ACVR1B: variants seen among roughly 807,000 people sequenced by gnomAD.
The protein encoded by ACVR1B is activin A receptor type 1B.
A neutral mutation model predicts 55.6 loss-of-function variants in ACVR1B; 15 were observed. The ratio of observed to expected loss-of-function variants is 0.27; its 90% CI spans 0.18 to 0.42. The LOEUF is 0.42. ACVR1B is among the 10% of genes least tolerant of loss of function. The pLI is 1.00. For synonymous variants in ACVR1B, 247 were observed against 254.6 expected, an observed-to-expected ratio of 0.97 and a Z score of 0.28; for missense variants, 359 against 670.1, an observed-to-expected ratio of 0.54 and a Z score of 5.13.
At chr12:51,956,736 A>G (rs1011415213) in intron 1 of ACVR1B, among the ~76,000 whole-genome samples, 1 of 151,568 alleles carries the variant, frequency 6.6e-6, no homozygotes, top group Non-Finnish European at 1.5e-5. Context: ...CAACCTGTCA[A>G]TACATAACCT....
At chr12:51,989,588 A>G (rs1445569788) in intron 7 of ACVR1B, among the ~76,000 whole-genome samples, 1 of 152,158 alleles carries the variant, frequency 6.6e-6, no homozygotes, top group East Asian at 1.9e-4. Flanking sequence ...CCTGGCCTAA[A>G]TTGGCTTTTT....
chr12:51,980,861 G>T, intron 3 of ACVR1B, 108 bp from the exon 4 acceptor site: 1 of 878,994 alleles, frequency 1.1e-6, no homozygotes, highest in Non-Finnish European at 1.7e-6. Flanking sequence ...GGACAGCGTA[G>T]GATGAAGACA....
intron 4 of ACVR1B, 90 bp downstream of exon 4, chr12:51,981,289 TC>T: frequency 8.8e-7 from 1 of 1,136,872 alleles, no homozygotes; most frequent in Non-Finnish European, 1.3e-6. Flanking sequence ...TTTGCCTTCA[TC>T]ATTGTAACCC....
At chr12:51,959,667 A>G (rs1408515920) in intron 1 of ACVR1B, among the ~76,000 whole-genome samples, 1 of 152,206 alleles carries the variant, frequency 6.6e-6, no homozygotes, top group African/African-American at 2.4e-5. Flanking sequence ...TAGGTAAAGC[A>G]AGAGAGGGGA....
chr12:51,992,120 G>C, intron 8 of ACVR1B, 127 bp downstream of exon 8: 1 of 1,272,364 alleles, frequency 7.9e-7, no homozygotes, highest in South Asian at 1.3e-5. Context: ...TTACTATTAC[G>C]TGCTATTTTA....
chr12:51,970,596 G>A (rs1213990319), intron 1 of ACVR1B, among the ~76,000 whole-genome samples: 1 of 152,096 alleles, frequency 6.6e-6, no homozygotes, highest in African/African-American at 2.4e-5. Context: ...TGTTCTATCC[G>A]TACTGGAGAG....
At chr12:51,986,563 TAAAC>T (rs1394108185) in intron 6 of ACVR1B, among the ~76,000 whole-genome samples, 1 of 152,192 alleles carries the variant, frequency 6.6e-6, no homozygotes, top group Non-Finnish European at 1.5e-5. Context: ...CCTGGCCAAA[TAAAC>T]AAATCTTGAT....
At chr12:51,974,005 C>CT (rs1941797831) in intron 1 of ACVR1B, among the ~76,000 whole-genome samples, 1 of 152,248 alleles carries the variant, frequency 6.6e-6, no homozygotes, top group African/African-American at 2.4e-5. Flanking sequence ...CGAAGATAGA[C>CT]TGTGTACAGC....
chr12:51,977,368 G>T (rs757035880), intron 3 of ACVR1B, among the ~76,000 whole-genome samples: 1 of 152,020 alleles, frequency 6.6e-6, no homozygotes, highest in African/African-American at 2.4e-5. Flanking sequence ...CGCAATTTCC[G>T]CTCTCTGAAA....
At chr12:51,990,376 G>A (rs555043815) in intron 7 of ACVR1B, among the ~76,000 whole-genome samples, 3 of 142,500 alleles carry the variant, frequency 2.1e-5, no homozygotes, top group East Asian at 2.2e-4. Flanking sequence ...GTGCAGTGGC[G>A]TGATCACAGC....
chr12:51,990,970 G>C (rs560427844), intron 7 of ACVR1B, among the ~76,000 whole-genome samples: 2 of 152,158 alleles, frequency 1.3e-5, no homozygotes, highest in Non-Finnish European at 2.9e-5. Flanking sequence ...GGGTTCCTCT[G>C]TCCTTCTGTG....
intron 2 of ACVR1B, among the ~76,000 whole-genome samples, 196 bp from the exon 3 acceptor site, chr12:51,976,131 G>C (rs150904169): frequency 7.9e-5 from 12 of 151,216 alleles, no homozygotes; most frequent in African/African-American, 2.9e-4. Flanking sequence ...GGAAAGAGGT[G>C]CCTTAACTAA....
At chr12:51,992,916 G>A (rs995185712) in intron 8 of ACVR1B, among the ~76,000 whole-genome samples, 21 of 152,198 alleles carry the variant, frequency 1.4e-4, no homozygotes, top group Non-Finnish European at 3.1e-4. Flanking sequence ...AGTGTTCAGG[G>A]GAACAGGCTT....
At position 51,994,721 on chromosome 12, in the gene ACVR1B, CGT is replaced by C. The variant is rs967739177; in HGVS notation, c.*615_*616del. On this transcript the variant is annotated 3_prime_UTR_variant, in exon 9 of 9. Transcript: ENST00000257963. This position sits in a 1 kb window ranked among gnomAD's most constrained non-coding sequence, Gnocchi z 4.2. ...GGTTCGTGCCATGCCCTTACACGTG[CGT>C]GTGAGTGTGTGTGTGTGTCTGTAGG... 2.0e-5 allele frequency: 3 copies of C among 153,512 alleles called. No homozygotes were observed. The highest frequency in any genetic ancestry group is 1.9e-4 in the East Asian group (1 of 5,216). 9.5% of individuals were successfully genotyped at this position (153,512 alleles called of 1,614,324 possible).
chr12:51,974,897 G>T (rs188913919), intron 1 of ACVR1B, among the ~76,000 whole-genome samples: 8 of 152,338 alleles, frequency 5.3e-5, no homozygotes, highest in African/African-American at 1.7e-4. Flanking sequence ...TGCTGGGGGA[G>T]ATAGGGCTGG....
rs1212354582 is a variant in ACVR1B at position 51,986,955 on chromosome 12, T to C, written c.1261+13T>C. On this transcript the variant is annotated intron_variant, in intron 7 of 8. Transcript: ENST00000257963. ...TGCAATTCTGGAGGTACCTTTCTTT[T>C]TTGCCTTTGCTCCTACCTCCCATTC... 1 of 1,614,228 alleles carries C rather than the reference T, an allele frequency of 6.2e-7. No homozygotes were observed. The highest frequency in any genetic ancestry group is 8.5e-7 in the Non-Finnish European group (1 of 1,180,046).
intron 6 of ACVR1B, among the ~76,000 whole-genome samples, chr12:51,985,582 T>G (rs536315659): frequency 6.6e-6 from 1 of 152,082 alleles, no homozygotes; most frequent in Non-Finnish European, 1.5e-5. Context: ...CACATTGGTG[T>G]TGGTGGTATT....
At chr12:51,979,847 G>GGT (rs1364486268) in intron 3 of ACVR1B, among the ~76,000 whole-genome samples, 1 of 152,136 alleles carries the variant, frequency 6.6e-6, no homozygotes, top group Non-Finnish European at 1.5e-5. Flanking sequence ...GGTGAGGCGG[G>GGT]GTGTGTGTGG....
intron 5 of ACVR1B, 152 bp downstream of exon 5, chr12:51,984,318 C>A: frequency 1.1e-6 from 1 of 915,508 alleles, no homozygotes. Flanking sequence ...GTTTGAGCTT[C>A]ACTTAAGTGA....
Sources: allele counts gnomAD v4.1 joint callset (sites outside exome capture counted in the v4.1 genomes callset), GRCh38; gene constraint gnomAD v4.1.1; non-coding constraint Gnocchi (gnomAD v3.1); transcripts MANE v1.5; gene names NCBI Gene and HGNC (gene_info 2026-07-23, HGNC 2026-07-21).